Variants in CD109 observed in about 807,000 individuals in gnomAD.
CD109 encodes CD109 antigen.
Under a neutral mutation model 165.8 loss-of-function variants are expected in CD109, and 149 were observed. That is an observed-to-expected ratio of 0.90 (90% confidence interval 0.79 to 1.03). The LOEUF is 1.03. Ranked by LOEUF, CD109 falls within the 50% of genes least tolerant of loss-of-function variation. The pLI, the probability that CD109 is intolerant of heterozygous loss-of-function variation, is 0.00. For synonymous variants in CD109, 585 were observed against 592.1 expected (o/e 0.99, Z 0.18); for missense variants, 1,712 against 1,677.8 (o/e 1.02, Z -0.36).
rs953567820 is a variant in CD109 at position 73,785,851 on chromosome 6, T to G, written c.2337+374T>G. ...TCTGTGCCCACTGCAGTTTTGTTTT[T>G]TTTTTTTTTTTGAGACATGGTCTTG... On this transcript the variant is annotated intron_variant, in intron 20 of 32. Coordinates refer to ENST00000287097, the MANE Select transcript of CD109 (RefSeq NM_133493.5). 1.8e-4 allele frequency among the ~76,000 whole-genome samples: 28 copies of G among 151,744 alleles called. 1 individual carries two copies. The highest frequency in any genetic ancestry group is 4.1e-4 in the African/African-American group (17 of 41,418).
intron 21 of CD109, among the ~76,000 whole-genome samples, chr6:73,788,084 C>T (rs1437940912): frequency 6.6e-6 from 1 of 152,098 alleles, no homozygotes; most frequent in Non-Finnish European, 1.5e-5. Context: ...GTAAGAATAA[C>T]AAAATGGTAC....
At chr6:73,686,694 CTT>C in the CD109 span, among the ~76,000 whole-genome samples, 8 of 152,026 alleles carry the variant, frequency 5.3e-5, no homozygotes, top group Non-Finnish European at 1.2e-4. Context: ...AGTCCTCTCT[CTT>C]TCTTTCTTTT....
Position 73,795,143 on chromosome 6 carries a change from A to C in CD109, c.2878+2341A>C, listed in dbSNP as rs143598130. 3.2e-3 allele frequency among the ~76,000 whole-genome samples: 163 copies of C among 51,720 alleles called. 6 individuals carry two copies. The highest frequency in any genetic ancestry group is 0.016 in the African/African-American group (157 of 9,986). 33.9% of individuals were successfully genotyped at this position (51,720 alleles called of 152,430 possible). ...ATTTAGTTTTTCTGGTTTGAAGTAG[A>C]AACTACATAGGAATTAGACTGGTGC... is the stretch of plus-strand genomic sequence containing the variant. On this transcript the variant is annotated intron_variant, in intron 23 of 32. Transcript: ENST00000287097.
chr6:73,684,920 AT>A, the CD109 span, among the ~76,000 whole-genome samples: 240 of 137,524 alleles, frequency 1.7e-3, no homozygotes, highest in African/African-American at 5.9e-3. Context: ...TGCTTTGCCC[AT>A]TTTTTTTTCT....
At chr6:73,745,583 C>G (rs1772953849) in intron 5 of CD109, among the ~76,000 whole-genome samples, 1 of 152,150 alleles carries the variant, frequency 6.6e-6, no homozygotes, top group Non-Finnish European at 1.5e-5. Flanking sequence ...ACCACAGCAG[C>G]CATGTGTTTA....
intron 3 of CD109, 52 bp downstream of exon 3, chr6:73,723,331 C>A (rs745341964): frequency 1.6e-6 from 2 of 1,283,946 alleles, no homozygotes; most frequent in Non-Finnish European, 2.2e-6. Context: ...TATCAGTGAA[C>A]TAAATAAATT....
In CD109 at chr6:73,782,662, A is replaced by G. The variant is rs148899212; in HGVS notation, c.2012A>G (p.His671Arg). The G allele has an allele frequency of 2.5e-6, 4 of 1,613,704 alleles. No homozygotes were observed. In the African/African-American group the frequency reaches 4.0e-5, roughly 16 times the overall value. The part of the protein sequence containing the change: ...AERFMEENEG[H>R]IVDIHDFSLG... ...AGGTTTATGGAGGAAAATGAAGGACATATTGTAGATATTCATGACTTTTCT... is the reference window on the plus strand; with the variant it reads ...AGGTTTATGGAGGAAAATGAAGGACGTATTGTAGATATTCATGACTTTTCT... Residue 671 changes from histidine (H) to arginine (R), a missense_variant, in exon 18 of 33, where the codon CAT (histidine) becomes CGT (arginine). Physicochemically the swap from His to Arg is conservative, Grantham distance 29. Coordinates refer to ENST00000287097, the MANE Select transcript of CD109 (RefSeq NM_133493.5).
At chr6:73,752,116 C>T (rs1334453268) in intron 5 of CD109, among the ~76,000 whole-genome samples, 1 of 152,092 alleles carries the variant, frequency 6.6e-6, no homozygotes, top group Non-Finnish European at 1.5e-5. Context: ...ATTGAAATGA[C>T]CATAAAAGAA....
At chr6:73,752,765 A>G (rs1163869626) in intron 5 of CD109, among the ~76,000 whole-genome samples, 1 of 152,206 alleles carries the variant, frequency 6.6e-6, no homozygotes, top group Admixed American at 6.5e-5. Context: ...ATGCTGCCCA[A>G]GTATTTAAGC....
rs1164901643 is a variant in CD109, at chr6:73,827,461, T to A, written c.*3828T>A. 3 of 152,152 alleles carry A rather than the reference T, an allele frequency of 2.0e-5. No individual in the cohort carries two copies. The highest frequency in any genetic ancestry group is 7.2e-5 in the African/African-American group (3 of 41,448). 9.4% of individuals were successfully genotyped at this position (152,152 alleles called of 1,614,324 possible). Reference sequence around the variant, plus strand: ...TTAAGAAATTAGAATTTTTCTATCATCTATGCAAATGATATTTATGTTAAT... The same window carrying A: ...TTAAGAAATTAGAATTTTTCTATCAACTATGCAAATGATATTTATGTTAAT... On this transcript the variant is annotated 3_prime_UTR_variant, in exon 33 of 33. Coordinates refer to ENST00000287097, the MANE Select transcript of CD109 (RefSeq NM_133493.5).
At chr6:73,808,377 G>C in intron 26 of CD109, 129 bp downstream of exon 26, 1 of 877,292 alleles carries the variant, frequency 1.1e-6, no homozygotes, top group Non-Finnish European at 1.7e-6. Context: ...CACATAATGA[G>C]ATCAGGATGG....
intron 2 of CD109, among the ~76,000 whole-genome samples, chr6:73,700,792 T>A (rs1771041346): frequency 1.4e-5 from 1 of 70,950 alleles, no homozygotes; most frequent in Non-Finnish European, 3.6e-5. Context: ...TGATTGTAGT[T>A]TTTTTTTTTT....
At chr6:73,708,624 A>G (rs1334413154) in intron 2 of CD109, among the ~76,000 whole-genome samples, 4 of 152,166 alleles carry the variant, frequency 2.6e-5, no homozygotes, top group Non-Finnish European at 5.9e-5. Context: ...AACAGTGTAA[A>G]AGTGTTCCTA....
Position 73,807,057 on chromosome 6 carries a change from A to T in CD109, c.3174A>T (p.Gly1058=). Residue 1058 remains glycine, a synonymous_variant, in exon 25 of 33, where the codon GGA becomes GGT. Coordinates refer to ENST00000287097, the MANE Select transcript of CD109 (RefSeq NM_133493.5). Reference sequence around the variant, plus strand: ...CCTATATTGTAACTTCTCTCCTGGGATATAGAAAGTATCAGGTATTTCGTA... The same window carrying T: ...CCTATATTGTAACTTCTCTCCTGGGTTATAGAAAGTATCAGGTATTTCGTA... ...LTAYIVTSLL[G]YRKYQPNIDV... The T allele has an allele frequency of 6.2e-7, 1 of 1,611,302 alleles. No homozygotes were observed. The highest frequency in any genetic ancestry group is 2.2e-5 in the East Asian group (1 of 44,838).
Position 73,780,427 on chromosome 6 carries a change from G to T in CD109, c.1831G>T (p.Val611Phe). Reference protein sequence around the residue: ...ASNDITMENVVHELELYNTGY... With the variant: ...ASNDITMENVFHELELYNTGY... ...GTATATTTTATCTTCTCCTTAGGTGGTCCATGAGTTGGAACTTTATAACAC... is the reference window on the plus strand; with the variant it reads ...GTATATTTTATCTTCTCCTTAGGTGTTCCATGAGTTGGAACTTTATAACAC... Residue 611 changes from valine (V) to phenylalanine (F), a missense_variant, in exon 16 of 33, where the codon GTC becomes TTC. Transcript: ENST00000287097. 6.3e-7 allele frequency: 1 copy of T among 1,586,168 alleles called. No homozygotes were observed. The highest frequency in any genetic ancestry group is 1.7e-5 in the Admixed American group (1 of 59,710).
intron 31 of CD109, among the ~76,000 whole-genome samples, 177 bp downstream of exon 31, chr6:73,818,712 A>G (rs1170856335): frequency 6.6e-6 from 1 of 152,220 alleles, no homozygotes. Context: ...TAAGTATAAA[A>G]TCAGTTTAGA....
intron 32 of CD109, 63 bp from the exon 33 acceptor site, chr6:73,823,395 T>C: frequency 7.9e-7 from 1 of 1,261,568 alleles, no homozygotes; most frequent in South Asian, 1.4e-5. Context: ...CTCTTATATT[T>C]TGGCAAAGTC....
intron 2 of CD109, among the ~76,000 whole-genome samples, chr6:73,717,730 C>T (rs1771794987): frequency 6.6e-6 from 1 of 150,784 alleles, no homozygotes; most frequent in African/African-American, 2.4e-5. Context: ...GGGCATTCTC[C>T]TACCTCAGAC....
chr6:73,680,833 C>G, the CD109 span, among the ~76,000 whole-genome samples: 1 of 152,146 alleles, frequency 6.6e-6, no homozygotes, highest in Non-Finnish European at 1.5e-5. Flanking sequence ...AAGCACGGCG[C>G]CTGGGTTCTG....
Sources: gnomAD v4.1 joint callset for allele counts (sites outside exome capture counted in the v4.1 genomes callset) on GRCh38, gnomAD v4.1.1 for gene constraint, MANE v1.5 for transcripts, NCBI Gene and HGNC (gene_info 2026-07-23, HGNC 2026-07-21) for gene names.